Variants in ICA1L observed in about 807,000 individuals in gnomAD.
ICA1L encodes islet cell autoantigen 1-like protein.
A neutral mutation model predicts 61.3 loss-of-function variants in ICA1L; 50 were observed. The ratio of observed to expected loss-of-function variants is 0.82; its 90% confidence interval spans 0.65 to 1.03. The LOEUF (loss-of-function observed/expected upper bound fraction) is 1.03. ICA1L is among the 50% of genes least tolerant of loss of function. ICA1L has a pLI of 0.00. For missense variants in ICA1L, 508 were observed against 556.7 expected (o/e 0.91, Z 0.88); for synonymous variants, 161 against 191.3 (o/e 0.84, Z 1.31).
chr2:202,869,155 C>T (rs966457127), intron 1 of ICA1L, among the ~76,000 whole-genome samples: 1 of 151,732 alleles, frequency 6.6e-6, no homozygotes, highest in Non-Finnish European at 1.5e-5. Context: ...GTCAGGAGAT[C>T]GAGACCATCC....
intron 3 of ICA1L, among the ~76,000 whole-genome samples, chr2:202,824,631 A>G (rs1693784740): frequency 6.6e-6 from 1 of 152,210 alleles, no homozygotes; most frequent in African/African-American, 2.4e-5. Flanking sequence ...CCAAATACCC[A>G]AAGGAAGTTA....
chr2:202,805,623 A>C (rs1693201559), intron 9 of ICA1L, among the ~76,000 whole-genome samples: 1 of 152,118 alleles, frequency 6.6e-6, no homozygotes, highest in East Asian at 1.9e-4. Flanking sequence ...AATAATAAAT[A>C]TAGGAACTAA....
intron 9 of ICA1L, among the ~76,000 whole-genome samples, 167 bp downstream of exon 9, chr2:202,811,579 A>ACT: frequency 6.8e-6 from 1 of 148,142 alleles, no homozygotes; most frequent in Admixed American, 6.8e-5. Flanking sequence ...GGAGAATGGC[A>ACT]TGAACCTGGG....
intron 1 of ICA1L, chr2:202,860,093 C>T (rs1215731849): frequency 6.6e-6 from 1 of 151,724 alleles, no homozygotes; most frequent in African/African-American, 2.4e-5. Flanking sequence ...CACAGTGAGA[C>T]CCTGTCTCTA....
chr2:202,820,763 T>G (rs1693678488), intron 4 of ICA1L, among the ~76,000 whole-genome samples: 1 of 152,220 alleles, frequency 6.6e-6, no homozygotes, highest in Non-Finnish European at 1.5e-5. Flanking sequence ...ACTTTTGCAC[T>G]GATGTGATGT....
intron 1 of ICA1L, among the ~76,000 whole-genome samples, chr2:202,835,215 CTTT>C (rs544503963): frequency 8.3e-6 from 1 of 120,658 alleles, no homozygotes; most frequent in Non-Finnish European, 1.7e-5. Flanking sequence ...TGATTTCTTC[CTTT>C]TTTTTTTTTT....
chr2:202,863,109 T>G (rs943353049), intron 1 of ICA1L, among the ~76,000 whole-genome samples: 2 of 151,854 alleles, frequency 1.3e-5, no homozygotes, highest in South Asian at 4.2e-4. Context: ...CTGGCCAACA[T>G]GGTGAAACCC....
intron 1 of ICA1L, chr2:202,841,858 C>A: frequency 4.0e-6 from 1 of 249,256 alleles, no homozygotes; most frequent in South Asian, 4.7e-5. Flanking sequence ...GCTTCTTGGT[C>A]TATTTTTTTT....
At chr2:202,829,145 G>T in intron 1 of ICA1L, 129 bp from the exon 2 acceptor site, 1 of 601,812 alleles carries the variant, frequency 1.7e-6, no homozygotes, top group South Asian at 2.5e-5. Flanking sequence ...TCATGAGATC[G>T]AGACCATCCT....
chr2:202,844,529 G>C lies in ICA1L; in HGVS notation c.-7-15513C>G, dbSNP rs1694415891. 3 of 152,146 alleles carry C rather than the reference G, an allele frequency of 2.0e-5. No individual in the cohort carries two copies. The South Asian group carries it at 6.2e-4, about 32-fold the overall frequency. 9.4% of individuals were successfully genotyped at this position (152,146 alleles called of 1,614,324 possible). On this transcript the variant is annotated intron_variant, in intron 1 of 12. Coordinates refer to ENST00000358299, the MANE Select transcript of ICA1L (RefSeq NM_001288622.3). ...TGAGAGCCAAATAATCTTCATAACC[G>C]AGCACTAAAATTAAATTCAACAAGC...
rs1692309732 is a variant in ICA1L, at chr2:202,778,885, A to G, written c.*648T>C. 6.6e-6 allele frequency: 1 copy of G among 152,642 alleles called. No individual in the cohort carries two copies. The highest frequency in any genetic ancestry group is 2.4e-5 in the African/African-American group (1 of 41,456). The allele number at this position is 152,642 out of a possible 1,614,324, so 9.5% of individuals were successfully genotyped here. A position where few individuals can be genotyped will look rare whatever the true frequency, so the allele number is the denominator to read the frequency against. On this transcript the variant is annotated 3_prime_UTR_variant, in exon 13 of 13. Coordinates refer to ENST00000358299, the MANE Select transcript of ICA1L (RefSeq NM_001288622.3). ...TTCCCCTTCAAGATTTAATAATGGAATTAGGGAGTGTCCATTATTTTGTAT... is the reference window on the plus strand; with the variant it reads ...TTCCCCTTCAAGATTTAATAATGGAGTTAGGGAGTGTCCATTATTTTGTAT...
At chr2:202,808,284 C>T (rs1287756704) in intron 9 of ICA1L, among the ~76,000 whole-genome samples, 1 of 152,152 alleles carries the variant, frequency 6.6e-6, no homozygotes, top group Non-Finnish European at 1.5e-5. Context: ...GCATTCACCA[C>T]AAGCTGACTG....
chr2:202,819,749 G>A lies in ICA1L; in HGVS notation c.510C>T (p.Ser170=). 1 of 1,613,952 alleles carries A rather than the reference G, an allele frequency of 6.2e-7. No individual in the cohort carries two copies. Among genetic ancestry groups the A allele is most frequent in the Non-Finnish European group, 8.5e-7 (1 of 1,179,960 alleles). The change falls in exon 5 of 13, where the codon TCC becomes TCT. Residue 170 remains serine (S), a synonymous_variant. Transcript: ENST00000358299. Reference sequence around the variant, plus strand: ...TTAAGGTGTCTGGGTCCAGCTCTTGGGATACATCTTTCATCCACAGTAGAG... The same window carrying A: ...TTAAGGTGTCTGGGTCCAGCTCTTGAGATACATCTTTCATCCACAGTAGAG... ...RGALLWMKDV[S]QELDPDTLKQ... is the part of the protein sequence containing the mutation.
At chr2:202,857,069 T>G (rs1046623826) in intron 1 of ICA1L, among the ~76,000 whole-genome samples, 1 of 152,186 alleles carries the variant, frequency 6.6e-6, no homozygotes, top group African/African-American at 2.4e-5. Context: ...AAGTAATTTA[T>G]AGATTCAATG....
chr2:202,835,547 C>G (rs1694126706), intron 1 of ICA1L, among the ~76,000 whole-genome samples: 1 of 121,944 alleles, frequency 8.2e-6, no homozygotes, highest in Admixed American at 8.8e-5. Flanking sequence ...AGAAATGCTA[C>G]TGATTTTTTT....
At chr2:202,839,396 G>A (rs1166665463) in intron 1 of ICA1L, among the ~76,000 whole-genome samples, 1 of 151,694 alleles carries the variant, frequency 6.6e-6, no homozygotes, top group Non-Finnish European at 1.5e-5. Context: ...CTACTCAGGA[G>A]GCTGAGGCAG....
chr2:202,797,132 T>TTGTGTGTGTG (rs58006631), intron 9 of ICA1L, among the ~76,000 whole-genome samples, 168 bp from the exon 10 acceptor site: 3,568 of 147,764 alleles, frequency 0.024, 61 homozygotes, highest in South Asian at 0.062. Flanking sequence ...AAAATCACAT[T>TTGTGTGTGTG]TGTGTGTGTG....
chr2:202,842,372 G>A (rs1018929917), intron 1 of ICA1L, among the ~76,000 whole-genome samples: 2 of 152,062 alleles, frequency 1.3e-5, no homozygotes, highest in Non-Finnish European at 2.9e-5. Flanking sequence ...CTCAGTTTTT[G>A]TTTGAGAAAG....
chr2:202,790,993 A>T (rs1054130327), intron 10 of ICA1L, among the ~76,000 whole-genome samples: 17 of 152,180 alleles, frequency 1.1e-4, no homozygotes, highest in Non-Finnish European at 5.9e-5. Context: ...AGTGTAGAGA[A>T]ATTCAACCCT....
Sources: gnomAD v4.1 joint callset for allele counts (sites outside exome capture counted in the v4.1 genomes callset) on GRCh38, gnomAD v4.1.1 for gene constraint, MANE v1.5 for transcripts, NCBI Gene and HGNC (gene_info 2026-07-23, HGNC 2026-07-21) for gene names.